The following DIPK1B variants were observed in gnomAD, a reference collection of about 807,000 sequenced individuals.
DIPK1B encodes divergent protein kinase domain 1B, also known as family with sequence similarity 69 member B.
Under a neutral mutation model 20.7 loss-of-function variants are expected in DIPK1B, and 17 were observed. The observed-to-expected ratio is 0.82, with a 90% CI of 0.56 to 1.23. The LOEUF (loss-of-function observed/expected upper bound fraction) is 1.23, where lower values mean the gene tolerates loss of function less well. Ranked by LOEUF, DIPK1B falls within the 50% of genes most tolerant of loss-of-function variation. DIPK1B has a pLI of 0.00. For synonymous variants in DIPK1B, 343 were observed against 276.5 expected (o/e 1.24, Z -2.39); for missense variants, 648 against 601.8 (o/e 1.08, Z -0.80).
In DIPK1B at chr9:136,724,730, G is replaced by A. The variant is rs571209817; in HGVS notation, c.*956G>A. The A allele has an allele frequency of 6.6e-6, 1 of 152,188 alleles. No individual in the cohort carries two copies. Among genetic ancestry groups the A allele is most frequent in the African/African-American group, 2.4e-5 (1 of 41,444 alleles). The allele number at this position is 152,188 out of a possible 1,614,324, so 9.4% of individuals were successfully genotyped here. A position where few individuals can be genotyped will look rare whatever the true frequency, so the allele number is the denominator to read the frequency against. On this transcript the variant is annotated 3_prime_UTR_variant, in exon 5 of 5. Coordinates refer to ENST00000371692, the MANE Select transcript of DIPK1B (RefSeq NM_152421.4). ...GTTTTCCATATAGATTTTCCCCTTG[G>A]GGGGGAAAAGAATTCAGGGTCTTAG...
intron 2 of DIPK1B, among the ~76,000 whole-genome samples, chr9:136,719,604 G>GAT (rs1846558653): frequency 6.6e-6 from 1 of 152,200 alleles, no homozygotes; most frequent in African/African-American, 2.4e-5. Context: ...TGAGGGGACC[G>GAT]ATGTGCGGCA....
Position 136,712,981 on chromosome 9 carries a change from G to C in DIPK1B, c.63+253G>C, listed in dbSNP as rs903700292. Among the ~76,000 whole-genome samples the C allele has an allele frequency of 1.1e-4, 16 of 152,198 alleles. No individual in the cohort carries two copies. Among genetic ancestry groups the C allele is most frequent in the African/African-American group, 3.6e-4 (15 of 41,462 alleles). On this transcript the variant is annotated intron_variant, in intron 1 of 4. Coordinates refer to ENST00000371692, the MANE Select transcript of DIPK1B (RefSeq NM_152421.4). The surrounding 1 kb of genome is among the most constrained non-coding windows in gnomAD (Gnocchi z 5.6). The stretch of plus-strand genomic sequence containing the variant: ...GAGGCCCTCGCCCCGACCTGCAGGC[G>C]GTCCCTGCCCCCCAGGCCCAGAAAC...
chr9:136,717,183 C>T (rs1443402495), intron 1 of DIPK1B, among the ~76,000 whole-genome samples: 2 of 151,438 alleles, frequency 1.3e-5, no homozygotes, highest in Admixed American at 6.6e-5. Context: ...GAGCCGAGAT[C>T]GCGCCACTGC....
In DIPK1B at chr9:136,724,010, G is replaced by A. The variant is rs536418085; in HGVS notation, c.*236G>A. On this transcript the variant is annotated 3_prime_UTR_variant, in exon 5 of 5. Coordinates refer to ENST00000371692, the MANE Select transcript of DIPK1B (RefSeq NM_152421.4). ...AAGGGGGTTTGTTACTCTGAAGAACGTAATGTCAATAAACAGCTTTTATGT... is the reference window on the plus strand; with the variant it reads ...AAGGGGGTTTGTTACTCTGAAGAACATAATGTCAATAAACAGCTTTTATGT... 20 of 569,742 alleles carry A rather than the reference G, an allele frequency of 3.5e-5. No individual in the cohort carries two copies. The highest frequency in any genetic ancestry group is 8.9e-5 in the East Asian group (3 of 33,552). 35.3% of individuals were successfully genotyped at this position (569,742 alleles called of 1,614,324 possible). A position where few individuals can be genotyped will look rare whatever the true frequency, so the allele number is the denominator to read the frequency against.
In DIPK1B at chr9:136,723,371, C is replaced by T; in HGVS notation, c.893C>T (p.Thr298Ile). The stretch of plus-strand genomic sequence containing the variant: ...TACGGGACTTTCTACATGTGTGAGA[C>T]CACACTGGCCAACGTGGGCTACACA... ...GSYGTFYMCE[T>I]TLANVGYTAT... is the part of the protein sequence containing the mutation. Residue 298 changes from threonine (T) to isoleucine (I), a missense_variant, in exon 5 of 5, where the codon ACC becomes ATC. Physicochemically the swap from Thr to Ile is moderately conservative, Grantham distance 89. Coordinates refer to ENST00000371692, the MANE Select transcript of DIPK1B (RefSeq NM_152421.4). The T allele has an allele frequency of 1.2e-6, 2 of 1,613,344 alleles. No homozygotes were observed. Among genetic ancestry groups the T allele is most frequent in the African/African-American group, 2.7e-5 (2 of 75,042 alleles).
chr9:136,720,517 G>A (rs568996566), intron 2 of DIPK1B, among the ~76,000 whole-genome samples: 14 of 152,274 alleles, frequency 9.2e-5, no homozygotes, highest in East Asian at 7.7e-4. Flanking sequence ...ATCACCTCCC[G>A]TGGGGCGCTG....
rs752450120 is a variant in DIPK1B at position 136,723,119 on chromosome 9, A to C, written c.641A>C (p.Glu214Ala). 1 of 1,613,468 alleles carries C rather than the reference A, an allele frequency of 6.2e-7. No homozygotes were observed. Among genetic ancestry groups the C allele is most frequent in the Non-Finnish European group, 8.5e-7 (1 of 1,180,000 alleles). ...NEFLLLLSLQ[E>A]KEHASRLLGY... Reference sequence around the variant, plus strand: ...TTCCTGCTGCTGCTGTCCCTGCAGGAGAAGGAGCACGCCTCCAGACTGCTG... The same window carrying C: ...TTCCTGCTGCTGCTGTCCCTGCAGGCGAAGGAGCACGCCTCCAGACTGCTG... The change falls in exon 5 of 5, where the codon GAG (glutamate) becomes GCG (alanine). Residue 214 changes from glutamate (E) to alanine (A), a missense_variant. Transcript: ENST00000371692.
Position 136,723,333 on chromosome 9 carries a change from C to T in DIPK1B, c.855C>T (p.Leu285=). 3.1e-6 allele frequency: 5 copies of T among 1,613,270 alleles called. No individual in the cohort carries two copies. The highest frequency in any genetic ancestry group is 3.4e-6 in the Non-Finnish European group (4 of 1,179,860). ...GCCTGCTGGAGTTCGTGGAGGAGCT[C>T]TTCCACGGCTCTTACGGGACTTTCT... ...AIGLLEFVEE[L]FHGSYGTFYM... is the part of the protein sequence containing the mutation. Residue 285 remains leucine (L), a synonymous_variant, in exon 5 of 5, where the codon CTC becomes CTT. Transcript: ENST00000371692.
chr9:136,713,878 G>A (rs1342508792), intron 1 of DIPK1B, among the ~76,000 whole-genome samples: 1 of 152,200 alleles, frequency 6.6e-6, no homozygotes, highest in Non-Finnish European at 1.5e-5. Flanking sequence ...TAGTGCTGTG[G>A]GGCTCCTGGC....
In DIPK1B at chr9:136,722,804, G is replaced by A. The variant is rs574088635; in HGVS notation, c.484-158G>A. The A allele has an allele frequency of 9.4e-5, 68 of 720,080 alleles. No individual in the cohort carries two copies. The African/African-American group carries it at 1.0e-3, about 11-fold the overall frequency. The allele number at this position is 720,080 out of a possible 1,614,324, so 44.6% of individuals were successfully genotyped here. ...AGTGAGCTGACACATTGCTGGCTGC[G>A]TCCTCCACCCGTGTAGCTGTGGGCT... On this transcript the variant is annotated intron_variant, in intron 4 of 4. Transcript: ENST00000371692.
chr9:136,721,868 G>A (rs1846606692), intron 2 of DIPK1B, 53 bp from the exon 3 acceptor site: 8 of 1,551,036 alleles, frequency 5.2e-6, no homozygotes, highest in African/African-American at 2.7e-5. Context: ...CAGGGGCTCA[G>A]TGGGGCAGGG....
rs894904352 is a variant in DIPK1B at position 136,712,595 on chromosome 9, GCGGGC to G, written c.-56_-52del. ...GCATGGCGAGGGAGCGGCGGCCGCT[GCGGGC>G]CGGGCCGGGCCGGGGCTGAGGCCGA... On this transcript the variant is annotated 5_prime_UTR_variant, in exon 1 of 5. The change abolishes the stop of an existing upstream ORF in the 5' untranslated region. Transcript: ENST00000371692. The surrounding 1 kb of genome is among the most constrained non-coding windows in gnomAD (Gnocchi z 5.6). 75 of 733,426 alleles carry G rather than the reference GCGGGC, an allele frequency of 1.0e-4. No homozygotes were observed. The highest frequency in any genetic ancestry group is 1.1e-4 in the Non-Finnish European group (67 of 602,030). 45.4% of individuals were successfully genotyped at this position (733,426 alleles called of 1,614,324 possible).
chr9:136,712,592 G>T lies in DIPK1B; in HGVS notation c.-74G>T. On this transcript the variant is annotated 5_prime_UTR_variant, in exon 1 of 5. Coordinates refer to ENST00000371692, the MANE Select transcript of DIPK1B (RefSeq NM_152421.4). This position sits in a 1 kb window ranked among gnomAD's most constrained non-coding sequence, Gnocchi z 5.6. ...CCCGCATGGCGAGGGAGCGGCGGCC[G>T]CTGCGGGCCGGGCCGGGCCGGGGCT... 1.7e-5 allele frequency: 12 copies of T among 696,696 alleles called. No individual in the cohort carries two copies. The highest frequency in any genetic ancestry group is 2.1e-5 in the Non-Finnish European group (12 of 568,464). The allele number at this position is 696,696 out of a possible 1,614,324, so 43.2% of individuals were successfully genotyped here.
intron 4 of DIPK1B, 78 bp downstream of exon 4, chr9:136,722,379 A>C: frequency 2.7e-6 from 4 of 1,480,080 alleles, no homozygotes; most frequent in South Asian, 1.3e-5. Flanking sequence ...TGGCACCAAC[A>C]TGCCCAGCGC....
intron 2 of DIPK1B, among the ~76,000 whole-genome samples, chr9:136,718,206 A>G (rs138923808): frequency 0.022 from 591 of 26,948 alleles, 9 homozygotes; most frequent in African/African-American, 0.042. Context: ...TCACTGGTCC[A>G]GGATAGAGAC....
In DIPK1B at chr9:136,723,322, G is replaced by C; in HGVS notation, c.844G>C (p.Val282Leu). 1 of 1,613,160 alleles carries C rather than the reference G, an allele frequency of 6.2e-7. No homozygotes were observed. Among genetic ancestry groups the C allele is most frequent in the Non-Finnish European group, 8.5e-7 (1 of 1,179,868 alleles). ...AKIAIGLLEF[V>L]EELFHGSYGT... ...GATCGCCATCGGCCTGCTGGAGTTC[G>C]TGGAGGAGCTCTTCCACGGCTCTTA... Residue 282 changes from valine to leucine, a missense_variant, in exon 5 of 5, where the codon GTG becomes CTG. Transcript: ENST00000371692.
At chr9:136,719,098 T>C (rs1486035632) in intron 2 of DIPK1B, among the ~76,000 whole-genome samples, 2 of 125,582 alleles carry the variant, frequency 1.6e-5, no homozygotes, top group African/African-American at 3.1e-5. Context: ...CTGGAGCTCC[T>C]AGAAGGACCA....
Position 136,723,791 on chromosome 9 carries a change from C to T in DIPK1B, c.*17C>T. ...TACTCTTGATGGGGCAGTGAGGGGC[C>T]TGGCCACCCTTCCTGGAGCTGGCCA... On this transcript the variant is annotated 3_prime_UTR_variant, in exon 5 of 5. Coordinates refer to ENST00000371692, the MANE Select transcript of DIPK1B (RefSeq NM_152421.4). The T allele has an allele frequency of 6.5e-7, 1 of 1,530,380 alleles. No homozygotes were observed. The highest frequency in any genetic ancestry group is 8.7e-7 in the Non-Finnish European group (1 of 1,143,926). 94.8% of individuals were successfully genotyped at this position (1,530,380 alleles called of 1,614,324 possible).
In DIPK1B at chr9:136,722,301, G is replaced by A; in HGVS notation, c.483G>A (p.Lys161=). 6.2e-7 allele frequency: 1 copy of A among 1,611,436 alleles called. No individual in the cohort carries two copies. The highest frequency in any genetic ancestry group is 8.5e-7 in the Non-Finnish European group (1 of 1,178,880). The change falls in exon 4 of 5, where the codon AAG becomes AAA. Residue 161 remains lysine (K), a splice_region_variant and synonymous_variant. Transcript: ENST00000371692. ...EFREMTLSFL[K]ANLGDLPSLP... is the part of the protein sequence containing the mutation. ...GGGAGATGACCCTCAGCTTCCTCAA[G>A]GTCAGGCAGCTCTCCTAGGGGGCAG...
Sources: allele counts gnomAD v4.1 joint callset (sites outside exome capture counted in the v4.1 genomes callset), GRCh38; gene constraint gnomAD v4.1.1; non-coding constraint Gnocchi (gnomAD v3.1); transcripts MANE v1.5; gene names NCBI Gene and HGNC (gene_info 2026-07-23, HGNC 2026-07-21).